Variants in VPS35L observed in about 807,000 individuals in gnomAD.
VPS35L encodes the protein VPS35 endosomal protein-sorting factor-like.
In VPS35L, 83 loss-of-function variants were observed where a neutral mutation model predicts 133.0. That is an observed-to-expected ratio of 0.62 (90% CI 0.52 to 0.75). VPS35L has a LOEUF of 0.75. VPS35L is among the 30% of genes least tolerant of loss of function. VPS35L has a pLI of 0.00. For synonymous variants in VPS35L, 423 were observed against 449.9 expected (o/e 0.94, Z 0.76); for missense variants, 1,083 against 1,206.8 (o/e 0.90, Z 1.52).
chr16:19,658,256 G>A (rs553511635), intron 26 of VPS35L, among the ~76,000 whole-genome samples: 31 of 152,276 alleles, frequency 2.0e-4, no homozygotes, highest in Admixed American at 1.4e-3. Flanking sequence ...TGGGCTGGGC[G>A]CGGTGGCTCA....
chr16:19,658,868 C>G (rs937924213), intron 26 of VPS35L, among the ~76,000 whole-genome samples: 2 of 152,076 alleles, frequency 1.3e-5, no homozygotes, highest in Admixed American at 6.6e-5. Flanking sequence ...GTTGAGAGGT[C>G]TGAACTCCTG....
intron 26 of VPS35L, among the ~76,000 whole-genome samples, chr16:19,666,872 T>TTTTCTTTC (rs551438290): frequency 0.013 from 1,342 of 106,286 alleles, 46 homozygotes; most frequent in Middle Eastern, 0.024. Flanking sequence ...AGGGCCATGT[T>TTTTCTTTC]TTTCTTTCTT....
intron 26 of VPS35L, among the ~76,000 whole-genome samples, chr16:19,664,908 A>T (rs1001153137): frequency 6.6e-6 from 1 of 151,992 alleles, no homozygotes; most frequent in Non-Finnish European, 1.5e-5. Flanking sequence ...TAAAAAAAAA[A>T]AAAAACAAAA....
rs561327327 is a variant in VPS35L, at chr16:19,599,406, C to T, written c.725-2258C>T. ...TTGCTATTTCTGTAGATTCCAGAGG[C>T]AAGGCAAGTTTTAGCTCAGAGACCC... is the stretch of plus-strand genomic sequence containing the variant. On this transcript the variant is annotated intron_variant, in intron 8 of 30. Transcript: ENST00000417362. Among the ~76,000 whole-genome samples the T allele has an allele frequency of 2.6e-5, 4 of 152,272 alleles. No individual in the cohort carries two copies. In the South Asian group the frequency reaches 8.3e-4, roughly 32 times the overall value.
At chr16:19,593,917 CAAAAAAAAAAAAGAAAA>C (rs1228933638) in intron 8 of VPS35L, among the ~76,000 whole-genome samples, 1 of 123,924 alleles carries the variant, frequency 8.1e-6, no homozygotes, top group Non-Finnish European at 1.7e-5. Context: ...ACTCCGTCTC[CAAAAAAAAAAAAGAAAA>C]GAGAAAAAAA....
chr16:19,583,639 G>A (rs1597328162), intron 7 of VPS35L, among the ~76,000 whole-genome samples: 1 of 151,410 alleles, frequency 6.6e-6, no homozygotes. Context: ...CGAGAATTGC[G>A]TGAACATGGG....
chr16:19,684,138 G>A (rs1975378488), intron 28 of VPS35L, among the ~76,000 whole-genome samples: 1 of 152,096 alleles, frequency 6.6e-6, no homozygotes, highest in Non-Finnish European at 1.5e-5. Context: ...GAGGAAGGAG[G>A]TGGCCTTGAT....
At chr16:19,601,590 T>C in intron 8 of VPS35L, 74 bp from the exon 9 acceptor site, 2 of 1,465,670 alleles carry the variant, frequency 1.4e-6, no homozygotes, top group South Asian at 1.2e-5. Context: ...TCTGGGTCCC[T>C]AATTAACAAA....
chr16:19,660,122 C>T (rs957976209), intron 26 of VPS35L, among the ~76,000 whole-genome samples: 2 of 151,954 alleles, frequency 1.3e-5, no homozygotes, highest in African/African-American at 2.4e-5. Context: ...GCTAGGAGTT[C>T]GAGACCAGCC....
intron 24 of VPS35L, among the ~76,000 whole-genome samples, chr16:19,648,739 G>A (rs959845741): frequency 1.3e-5 from 2 of 151,946 alleles, no homozygotes. Flanking sequence ...GGGGTGGCAG[G>A]CACCTGTTGT....
rs373581289 is a variant in VPS35L at position 19,689,427 on chromosome 16, T to G, written c.2528-1926T>G. Among the ~76,000 whole-genome samples the G allele has an allele frequency of 2.0e-5, 3 of 151,988 alleles. No individual in the cohort carries two copies. In the East Asian group the frequency reaches 5.8e-4, roughly 30 times the overall value. Reference sequence around the variant, plus strand: ...CCGGGACTACAAGCGTGCACCACCATGCCCAGCTGATTTTTTGTATTTTTG... The same window carrying G: ...CCGGGACTACAAGCGTGCACCACCAGGCCCAGCTGATTTTTTGTATTTTTG... On this transcript the variant is annotated intron_variant, in intron 28 of 30. Coordinates refer to ENST00000417362, the MANE Select transcript of VPS35L (RefSeq NM_020314.7).
chr16:19,700,400 A>C lies in VPS35L; in HGVS notation c.2816A>C (p.Lys939Thr), dbSNP rs189252663. 4.3e-6 allele frequency: 7 copies of C among 1,614,182 alleles called. No individual in the cohort carries two copies. The South Asian group carries it at 6.6e-5, about 15-fold the overall frequency. Residue 939 changes from lysine (K) to threonine (T), a missense_variant, in exon 31 of 31, where the codon AAG becomes ACG. By Grantham distance (78) the Lys-to-Thr change is moderately conservative. Transcript: ENST00000417362. ...RTMVKTLEYI[K>T]KQSKQPDMTH... ...TAGGTGAAAACGCTAGAATACATCA[A>C]GAAGCAAAGCAAACAACCAGACATG...
At chr16:19,569,970 C>T (rs1294369231) in intron 3 of VPS35L, among the ~76,000 whole-genome samples, 3 of 152,184 alleles carry the variant, frequency 2.0e-5, no homozygotes, top group Non-Finnish European at 2.9e-5. Flanking sequence ...GTAATGCACA[C>T]GGTACCTTCT....
At chr16:19,693,294 G>A (rs185960368) in intron 29 of VPS35L, among the ~76,000 whole-genome samples, 203 of 152,150 alleles carry the variant, frequency 1.3e-3, no homozygotes, top group African/African-American at 4.6e-3. Flanking sequence ...TTGCGGGGGG[G>A]CAGGGGAGGG....
At chr16:19,647,359 A>T (rs538833194) in intron 23 of VPS35L, among the ~76,000 whole-genome samples, 1 of 152,228 alleles carries the variant, frequency 6.6e-6, no homozygotes, top group Non-Finnish European at 1.5e-5. Flanking sequence ...CTAACCAGCT[A>T]TTCATAAATT....
chr16:19,644,224 A>G (rs564805175), intron 22 of VPS35L, among the ~76,000 whole-genome samples: 7 of 152,228 alleles, frequency 4.6e-5, no homozygotes, highest in Non-Finnish European at 7.3e-5. Context: ...TCTATTAAAT[A>G]GAAGCAACTG....
At chr16:19,622,351 C>T (rs1973113279) in intron 14 of VPS35L, among the ~76,000 whole-genome samples, 1 of 151,804 alleles carries the variant, frequency 6.6e-6, no homozygotes, top group African/African-American at 2.4e-5. Context: ...TCATCTTGGC[C>T]AGGCTGGTCT....
intron 7 of VPS35L, among the ~76,000 whole-genome samples, chr16:19,589,327 T>G (rs141692111): frequency 4.3e-4 from 65 of 152,280 alleles, no homozygotes; most frequent in African/African-American, 1.5e-3. Flanking sequence ...CACTGCAACT[T>G]CTGCTTCCCT....
Position 19,699,333 on chromosome 16 carries a change from G to A in VPS35L, c.2647-169G>A, listed in dbSNP as rs1976025955. 1.4e-6 allele frequency: 1 copy of A among 739,814 alleles called. No individual in the cohort carries two copies. The allele number at this position is 739,814 out of a possible 1,614,324, so 45.8% of individuals were successfully genotyped here. ...GACCTTACTGTCACTTACAGATGAA[G>A]CAGCTGGGACTTTGGGAGGTTCAGC... On this transcript the variant is annotated intron_variant, in intron 29 of 30. Coordinates refer to ENST00000417362, the MANE Select transcript of VPS35L (RefSeq NM_020314.7). The surrounding 1 kb of genome is among the most constrained non-coding windows in gnomAD (Gnocchi z 4.2).
Sources: allele counts gnomAD v4.1 joint callset (sites outside exome capture counted in the v4.1 genomes callset), GRCh38; gene constraint gnomAD v4.1.1; non-coding constraint Gnocchi (gnomAD v3.1); transcripts MANE v1.5; gene names NCBI Gene and HGNC (gene_info 2026-07-23, HGNC 2026-07-21).